Variants in UBE2G1 observed in about 807,000 individuals in gnomAD.
The protein encoded by UBE2G1 is ubiquitin-conjugating enzyme E2 G1.
In UBE2G1, 5 loss-of-function variants were observed where a neutral mutation model predicts 22.7. The ratio of observed to expected loss-of-function variants is 0.22; its 90% CI spans 0.12 to 0.46. The LOEUF (loss-of-function observed/expected upper bound fraction) is 0.46, where lower values mean the gene tolerates loss of function less well. Among genes scored for constraint, UBE2G1 ranks in the 20% least tolerant of loss-of-function variants. The pLI, the probability that UBE2G1 is intolerant of heterozygous loss-of-function variation, is 0.99. For synonymous variants in UBE2G1, 74 were observed against 67.5 expected (o/e 1.10, Z -0.47); for missense variants, 88 against 203.9 (o/e 0.43, Z 3.46).
At chr17:4,318,671 T>G (rs1969403628) in intron 1 of UBE2G1, among the ~76,000 whole-genome samples, 1 of 152,216 alleles carries the variant, frequency 6.6e-6, no homozygotes, top group Admixed American at 6.5e-5. Context: ...TATTTTTAAG[T>G]TCACATCCCA....
chr17:4,333,985 A>AAGAGG (rs907319049), intron 1 of UBE2G1, among the ~76,000 whole-genome samples: 1 of 109,422 alleles, frequency 9.1e-6, no homozygotes, highest in African/African-American at 6.6e-5. Flanking sequence ...GAAGAAAACA[A>AAGAGG]AGACTGGCAT....
intron 5 of UBE2G1, 65 bp downstream of exon 5, chr17:4,282,733 C>A: frequency 9.3e-7 from 1 of 1,078,802 alleles, no homozygotes. Context: ...CCAAATCACA[C>A]AATTTCCAAA....
rs1207144758 is a variant in UBE2G1, at chr17:4,282,869, C to T, written c.479G>A (p.Cys160Tyr). Residue 160 changes from cysteine (C) to tyrosine (Y), a missense_variant, in exon 5 of 6, where the codon TGT becomes TAT. Coordinates refer to ENST00000396981, the MANE Select transcript of UBE2G1 (RefSeq NM_003342.5). ...NGEFKRKVAR[C>Y]VRKSQETAFE ...AGCAGTCTCTTGGCTTTTTCTTACA[C>T]AGCGGGCAACTTTTCTTTTAAATTC... 6 of 1,613,188 alleles carry T rather than the reference C, an allele frequency of 3.7e-6. No homozygotes were observed. The highest frequency in any genetic ancestry group is 5.1e-6 in the Non-Finnish European group (6 of 1,179,690).
chr17:4,346,928 G>A (rs1457700685), intron 1 of UBE2G1, among the ~76,000 whole-genome samples: 4 of 151,782 alleles, frequency 2.6e-5, no homozygotes, highest in East Asian at 2.0e-4. Flanking sequence ...CAAGGCGGGC[G>A]GATCACTTGA....
At chr17:4,365,710 C>T (rs1283472054) in intron 1 of UBE2G1, among the ~76,000 whole-genome samples, 1 of 152,186 alleles carries the variant, frequency 6.6e-6, no homozygotes, top group South Asian at 2.1e-4. Context: ...CCCTCGCGCC[C>T]GCGTGGAGGC....
At chr17:4,295,241 T>C (rs971648639) in intron 3 of UBE2G1, among the ~76,000 whole-genome samples, 1 of 152,264 alleles carries the variant, frequency 6.6e-6, no homozygotes, top group African/African-American at 2.4e-5. Context: ...CATTCATGCA[T>C]GCCCGCATCA....
chr17:4,337,923 C>G (rs912098815), intron 1 of UBE2G1, among the ~76,000 whole-genome samples: 3 of 152,160 alleles, frequency 2.0e-5, no homozygotes, highest in Non-Finnish European at 4.4e-5. Context: ...GTAATTCCAG[C>G]ACTTTGGGAG....
At chr17:4,349,953 T>C (rs927805555) in intron 1 of UBE2G1, among the ~76,000 whole-genome samples, 2 of 152,102 alleles carry the variant, frequency 1.3e-5, no homozygotes, top group Non-Finnish European at 2.9e-5. Flanking sequence ...ACTTATAGCA[T>C]ACCTATTCAA....
chr17:4,279,823 A>ATATATATATATATATG (rs1968865312), intron 5 of UBE2G1, among the ~76,000 whole-genome samples: 1 of 66,274 alleles, frequency 1.5e-5, no homozygotes, highest in Non-Finnish European at 3.7e-5. Context: ...ATATATATAT[A>ATATATATATATATATG]TATATATATG....
chr17:4,334,247 A>G lies in UBE2G1; in HGVS notation c.47-27124T>C, dbSNP rs1598197910. Among the ~76,000 whole-genome samples the G allele has an allele frequency of 2.0e-5, 3 of 152,040 alleles. No homozygotes were observed. The South Asian group carries it at 6.2e-4, about 32-fold the overall frequency. On this transcript the variant is annotated intron_variant, in intron 1 of 5. Transcript: ENST00000396981. ...AGGTACATTTCCATTATATTTTTCT[A>G]GCACATTTTGTAATTCACTGAATGA...
At chr17:4,286,888 AC>A (rs2143692586) in intron 4 of UBE2G1, among the ~76,000 whole-genome samples, 1 of 152,058 alleles carries the variant, frequency 6.6e-6, no homozygotes, top group South Asian at 2.1e-4. Flanking sequence ...CTAAAAACAC[AC>A]AAAAAAATTG....
intron 5 of UBE2G1, among the ~76,000 whole-genome samples, chr17:4,279,834 A>G (rs1968865807): frequency 7.6e-6 from 1 of 130,772 alleles, no homozygotes; most frequent in African/African-American, 3.5e-5. Flanking sequence ...TATATATATG[A>G]ACCTCAGTTT....
intron 3 of UBE2G1, among the ~76,000 whole-genome samples, chr17:4,290,053 T>C (rs930500290): frequency 9.2e-5 from 14 of 152,286 alleles, no homozygotes; most frequent in African/African-American, 2.6e-4. Flanking sequence ...TTAGGAGACA[T>C]GTATTGACAT....
intron 1 of UBE2G1, among the ~76,000 whole-genome samples, chr17:4,345,118 A>T (rs2143805109): frequency 6.6e-6 from 1 of 152,330 alleles, no homozygotes; most frequent in South Asian, 2.1e-4. Flanking sequence ...AAGCAGAGTG[A>T]CAGCACCAAA....
At chr17:4,333,415 G>A (rs893260483) in intron 1 of UBE2G1, among the ~76,000 whole-genome samples, 2 of 152,290 alleles carry the variant, frequency 1.3e-5, no homozygotes, top group African/African-American at 4.8e-5. Flanking sequence ...CGGTGGCTCT[G>A]TCTGTGATCC....
chr17:4,349,758 G>A (rs1212425347), intron 1 of UBE2G1, among the ~76,000 whole-genome samples: 1 of 151,396 alleles, frequency 6.6e-6, no homozygotes, highest in Non-Finnish European at 1.5e-5. Context: ...CAGAAGAATG[G>A]CATGAACCCG....
rs112863765 is a variant in UBE2G1, at chr17:4,304,448, G to A, written c.149+2573C>T. ...TGTACATTTCATAGAAAGGCCTTAG[G>A]GACTACTGCACTGGAAAGACTCATT... On this transcript the variant is annotated intron_variant, in intron 2 of 5. Coordinates refer to ENST00000396981, the MANE Select transcript of UBE2G1 (RefSeq NM_003342.5). 4.1e-3 allele frequency among the ~76,000 whole-genome samples: 626 copies of A among 152,120 alleles called. 4 individuals are homozygous for A. The highest frequency in any genetic ancestry group is 0.014 in the African/African-American group (589 of 41,482).
chr17:4,301,481 T>C, intron 2 of UBE2G1: 1 of 818,322 alleles, frequency 1.2e-6, no homozygotes, highest in Non-Finnish European at 2.2e-6. Flanking sequence ...ATAATCCTGC[T>C]GCCCTTCAGA....
rs575645532 is a variant in UBE2G1 at position 4,302,577 on chromosome 17, T to C, written c.149+4444A>G. 3.4e-4 allele frequency: 133 copies of C among 392,332 alleles called. 3 individuals carry two copies. Among genetic ancestry groups the C allele is most frequent in the South Asian group, 2.8e-3 (127 of 45,896 alleles). 24.3% of individuals were successfully genotyped at this position (392,332 alleles called of 1,614,324 possible). The stretch of plus-strand genomic sequence containing the variant: ...TATTTGTTTTTAGAAGTTTTCTTCA[T>C]TGCCTGTGATTCTATGTGACTTTTA... On this transcript the variant is annotated intron_variant, in intron 2 of 5. Transcript: ENST00000396981.
Sources: gnomAD v4.1 joint callset for allele counts (sites outside exome capture counted in the v4.1 genomes callset) on GRCh38, gnomAD v4.1.1 for gene constraint, MANE v1.5 for transcripts, NCBI Gene and HGNC (gene_info 2026-07-23, HGNC 2026-07-21) for gene names.